The following SUZ12 variants were observed in gnomAD, a reference collection of about 807,000 sequenced individuals.
SUZ12 encodes SUZ12 polycomb repressive complex 2 subunit, also known as polycomb protein SUZ12.
SUZ12 carries 17 observed loss-of-function variants against 87.3 expected under a neutral mutation model. The ratio of observed to expected loss-of-function variants is 0.19; its 90% CI spans 0.13 to 0.29. SUZ12 has a LOEUF of 0.29. Ranked by LOEUF, SUZ12 falls within the 10% of genes least tolerant of loss-of-function variation. The pLI is 1.00. For synonymous variants in SUZ12, 253 were observed against 312.4 expected (o/e 0.81, Z 2.01); for missense variants, 526 against 912.2 (o/e 0.58, Z 5.45).
rs2142223788 is a variant in SUZ12, at chr17:31,999,616, T to C, written c.*613T>C. On this transcript the variant is annotated 3_prime_UTR_variant, in exon 16 of 16. Transcript: ENST00000322652. ...TTTACAATTAAAAAATAGCACTTCTTCATCTTATGCCTGTTTGAGAAGATA... is the reference window on the plus strand; with the variant it reads ...TTTACAATTAAAAAATAGCACTTCTCCATCTTATGCCTGTTTGAGAAGATA... 4.3e-6 allele frequency: 1 copy of C among 231,960 alleles called. No individual in the cohort carries two copies. The highest frequency in any genetic ancestry group is 2.2e-5 in the African/African-American group (1 of 45,426). The allele number at this position is 231,960 out of a possible 1,614,324, so 14.4% of individuals were successfully genotyped here. A position where few individuals can be genotyped will look rare whatever the true frequency, so the allele number is the denominator to read the frequency against.
chr17:31,963,343 C>T (rs1907854880), intron 4 of SUZ12, among the ~76,000 whole-genome samples: 1 of 151,890 alleles, frequency 6.6e-6, no homozygotes, highest in South Asian at 2.1e-4. Context: ...TGGGTTTCAC[C>T]GTGTTAGCAA....
At chr17:31,938,438 G>A (rs1319735243) in intron 1 of SUZ12, among the ~76,000 whole-genome samples, 1 of 152,156 alleles carries the variant, frequency 6.6e-6, no homozygotes, top group African/African-American at 2.4e-5. Context: ...TGTGGCATAT[G>A]TTAAGGGCAT....
At chr17:31,963,622 A>G (rs1907888523) in intron 4 of SUZ12, among the ~76,000 whole-genome samples, 1 of 151,622 alleles carries the variant, frequency 6.6e-6, no homozygotes, top group Non-Finnish European at 1.5e-5. Context: ...CTTTGAGTTC[A>G]AGCAATTCTC....
intron 5 of SUZ12, among the ~76,000 whole-genome samples, chr17:31,968,574 G>A (rs1001156750): frequency 6.6e-5 from 10 of 152,126 alleles, no homozygotes; most frequent in Non-Finnish European, 1.0e-4. Context: ...TCTCGTATTT[G>A]TATTAGCAGC....
chr17:31,977,339 G>A (rs930659797), intron 8 of SUZ12, among the ~76,000 whole-genome samples: 3 of 148,644 alleles, frequency 2.0e-5, no homozygotes, highest in Non-Finnish European at 4.4e-5. Flanking sequence ...GTGCAGTGGC[G>A]CAATCTCTGC....
chr17:31,990,721 G>T (rs1252825529), intron 10 of SUZ12, among the ~76,000 whole-genome samples: 1 of 152,028 alleles, frequency 6.6e-6, no homozygotes, highest in Middle Eastern at 3.4e-3. Flanking sequence ...TGAGTTTAAG[G>T]CCCAAGTTGC....
chr17:31,962,434 G>A (rs1240111656), intron 4 of SUZ12, among the ~76,000 whole-genome samples: 1 of 151,390 alleles, frequency 6.6e-6, no homozygotes, highest in Non-Finnish European at 1.5e-5. Context: ...CCACAAACAT[G>A]TAAAAATTAG....
At chr17:31,947,491 A>C (rs1906703224) in intron 3 of SUZ12, 126 bp from the exon 4 acceptor site, 1 of 1,247,072 alleles carries the variant, frequency 8.0e-7, no homozygotes, top group African/African-American at 1.5e-5. Context: ...CTAATCATCC[A>C]TAATTTATCT....
chr17:31,994,935 G>A (rs1909894407), intron 13 of SUZ12, among the ~76,000 whole-genome samples: 1 of 152,168 alleles, frequency 6.6e-6, no homozygotes, highest in South Asian at 2.1e-4. Context: ...TTATACTTAA[G>A]TTTTAATGAT....
In SUZ12 at chr17:32,000,335, T is replaced by C; in HGVS notation, c.*1332T>C. 1 of 232,886 alleles carries C rather than the reference T, an allele frequency of 4.3e-6. No homozygotes were observed. Among genetic ancestry groups the C allele is most frequent in the Non-Finnish European group, 8.5e-6 (1 of 117,808 alleles). The allele number at this position is 232,886 out of a possible 1,614,324, so 14.4% of individuals were successfully genotyped here. ...GGGATATATAAGCTTTCTAATGGTG[T>C]CTTCAGAAATTTATAAAATGTAAAT... On this transcript the variant is annotated 3_prime_UTR_variant, in exon 16 of 16. Transcript: ENST00000322652.
rs1423375245 is a variant in SUZ12 at position 31,937,141 on chromosome 17, C to A, written c.-106C>A. 1.0e-5 allele frequency: 10 copies of A among 997,964 alleles called. No individual in the cohort carries two copies. Among genetic ancestry groups the A allele is most frequent in the South Asian group, 4.9e-5 (2 of 40,910 alleles). The allele number at this position is 997,964 out of a possible 1,614,324, so 61.8% of individuals were successfully genotyped here. A position where few individuals can be genotyped will look rare whatever the true frequency, so the allele number is the denominator to read the frequency against. The stretch of plus-strand genomic sequence containing the variant: ...TCTCCTCCCCTCTCTCCTCCTTCCC[C>A]CCTCGGTCCGCCGGAGCCTGCTGGG... On this transcript the variant is annotated 5_prime_UTR_variant, in exon 1 of 16. Coordinates refer to ENST00000322652, the MANE Select transcript of SUZ12 (RefSeq NM_015355.4).
chr17:31,952,752 A>G (rs942615985), intron 4 of SUZ12, among the ~76,000 whole-genome samples: 1 of 151,952 alleles, frequency 6.6e-6, no homozygotes, highest in African/African-American at 2.4e-5. Flanking sequence ...TAGTAGAGAC[A>G]GGGTTTTACC....
intron 15 of SUZ12, among the ~76,000 whole-genome samples, chr17:31,997,708 C>T (rs1186732361): frequency 1.3e-5 from 2 of 149,522 alleles, no homozygotes; most frequent in African/African-American, 5.0e-5. Flanking sequence ...GTGGGACCCA[C>T]GACCAGGGAG....
At chr17:31,953,468 C>T (rs1018063518) in intron 4 of SUZ12, among the ~76,000 whole-genome samples, 7 of 152,034 alleles carry the variant, frequency 4.6e-5, no homozygotes, top group Non-Finnish European at 8.8e-5. Context: ...AGTGTAGTGG[C>T]ACAATGATAG....
intron 10 of SUZ12, among the ~76,000 whole-genome samples, chr17:31,989,291 G>A (rs1909577775): frequency 6.6e-6 from 1 of 151,800 alleles, no homozygotes; most frequent in Non-Finnish European, 1.5e-5. Flanking sequence ...GTAAATTAAG[G>A]TTCTCCTATA....
At chr17:31,996,766 G>A in intron 14 of SUZ12, 32 bp from the exon 15 acceptor site, 1 of 1,439,148 alleles carries the variant, frequency 6.9e-7, no homozygotes, top group Non-Finnish European at 9.3e-7. Context: ...TAAAATATGT[G>A]TTTAATAGGT....
intron 5 of SUZ12, among the ~76,000 whole-genome samples, chr17:31,969,863 CTCTCAAAACAAGGAAA>C (rs995358930): frequency 6.6e-6 from 1 of 152,072 alleles, no homozygotes; most frequent in Admixed American, 6.6e-5. Context: ...GTGGGACCCT[CTCTCAAAACAAGGAAA>C]AAAAAATTTT....
intron 6 of SUZ12, 65 bp from the exon 7 acceptor site, chr17:31,975,417 G>T (rs1908685263): frequency 8.6e-7 from 1 of 1,167,956 alleles, no homozygotes; most frequent in East Asian, 2.6e-5. Flanking sequence ...GTGATTAGAA[G>T]TTTTATTATA....
At position 32,000,374 on chromosome 17, in the gene SUZ12, G is replaced by A. The variant is rs949478961; in HGVS notation, c.*1371G>A. 6 of 232,484 alleles carry A rather than the reference G, an allele frequency of 2.6e-5. No individual in the cohort carries two copies. The highest frequency in any genetic ancestry group is 1.3e-4 in the African/African-American group (6 of 45,248). 14.4% of individuals were successfully genotyped at this position (232,484 alleles called of 1,614,324 possible). A position where few individuals can be genotyped will look rare whatever the true frequency, so the allele number is the denominator to read the frequency against. ...TAAAATGTAAATACTGATTTGACTG[G>A]TCTTTAAGATGTGTTTAACTGTGAG... On this transcript the variant is annotated 3_prime_UTR_variant, in exon 16 of 16. Transcript: ENST00000322652.
Sources: allele counts gnomAD v4.1 joint callset (sites outside exome capture counted in the v4.1 genomes callset), GRCh38; gene constraint gnomAD v4.1.1; transcripts MANE v1.5; gene names NCBI Gene and HGNC (gene_info 2026-07-23, HGNC 2026-07-21).